The following SGK1 variants were observed in gnomAD, a reference collection of about 807,000 sequenced individuals.
SGK1 encodes the protein serum/glucocorticoid regulated kinase 1.
In SGK1, 26 loss-of-function variants were observed where a neutral mutation model predicts 64.2. The observed-to-expected ratio is 0.40, with a 90% CI of 0.30 to 0.56. The LOEUF is 0.56. Among genes scored for constraint, SGK1 ranks in the 20% least tolerant of loss-of-function variants. The pLI is 0.38. For missense variants in SGK1, 519 were observed against 645.6 expected, an observed-to-expected ratio of 0.80 and a Z score of 2.12; for synonymous variants, 265 against 239.7, an observed-to-expected ratio of 1.11 and a Z score of -0.98.
At chr6:134,294,620 C>T (rs754178238) in intron 1 of SGK1, among the ~76,000 whole-genome samples, 2 of 152,168 alleles carry the variant, frequency 1.3e-5, no homozygotes, top group South Asian at 2.1e-4. Context: ...CTGCAACCCT[C>T]GCCTCCAGGG....
In SGK1 at chr6:134,173,145, T is replaced by C. The variant is rs777584139; in HGVS notation, c.712A>G (p.Ile238Val). 1.2e-6 allele frequency: 2 copies of C among 1,612,754 alleles called. No homozygotes were observed. Among genetic ancestry groups the C allele is most frequent in the South Asian group, 1.1e-5 (1 of 91,014 alleles). The change falls in exon 8 of 14, where the codon ATT becomes GTT. Residue 238 changes from isoleucine to valine, a missense_variant. By Grantham distance (29) the Ile-to-Val change is conservative. Coordinates refer to ENST00000367858, the MANE Select transcript of SGK1 (RefSeq NM_001143676.3). ...AACAGAACATTCCGCTCCGACATAA[T>C]ATGCTTCTCCTAGGAAAATGACGAT... ...AILKKKEEKHIMSERNVLLKN... is the reference protein window; with the variant it reads ...AILKKKEEKHVMSERNVLLKN...
In SGK1 at chr6:134,318,033, G is replaced by A. The variant is rs1253559013; in HGVS notation, c.-573C>T. The A allele has an allele frequency of 6.5e-6, 1 of 153,434 alleles. No individual in the cohort carries two copies. The highest frequency in any genetic ancestry group is 6.5e-5 in the Admixed American group (1 of 15,334). 9.5% of individuals were successfully genotyped at this position (153,434 alleles called of 1,614,324 possible). A position where few individuals can be genotyped will look rare whatever the true frequency, so the allele number is the denominator to read the frequency against. ...CAGAGGGAGCGAGAAGGCGAGGCTG[G>A]AAGAAGCAACGGTTCATGAATATCT... is the stretch of plus-strand genomic sequence containing the variant. On this transcript the variant is annotated 5_prime_UTR_variant, in exon 1 of 14. Transcript: ENST00000367858.
intron 2 of SGK1, among the ~76,000 whole-genome samples, chr6:134,255,849 T>G: frequency 6.6e-6 from 1 of 152,068 alleles, no homozygotes. Context: ...CCTCCAAAAG[T>G]GCTGGGATTA....
chr6:134,300,537 C>CAA (rs112943044), intron 1 of SGK1, among the ~76,000 whole-genome samples: 2 of 86,288 alleles, frequency 2.3e-5, no homozygotes, highest in Admixed American at 1.2e-4. Context: ...GACTCTGTCT[C>CAA]AAAAAAAAAA....
At chr6:134,285,186 C>T (rs1777162219) in intron 1 of SGK1, among the ~76,000 whole-genome samples, 1 of 151,926 alleles carries the variant, frequency 6.6e-6, no homozygotes, top group African/African-American at 2.4e-5. Flanking sequence ...TGGCTGGGCT[C>T]GGTGGCTCAC....
intron 2 of SGK1, among the ~76,000 whole-genome samples, chr6:134,251,912 G>A (rs986665299): frequency 7.2e-5 from 11 of 152,162 alleles, no homozygotes; most frequent in Admixed American, 6.5e-4. Flanking sequence ...GTGCCATCAC[G>A]CCTGGCTAAT....
intron 1 of SGK1, among the ~76,000 whole-genome samples, chr6:134,303,318 G>A (rs35069518): frequency 0.19 from 28,998 of 151,880 alleles, 3,545 homozygotes; most frequent in East Asian, 0.54. Context: ...CGTGAACCTG[G>A]GAGGCGGAGC....
Position 134,172,187 on chromosome 6 carries a change from G to A in SGK1, c.1071+6C>T, listed in dbSNP as rs763607989. On this transcript the variant is annotated splice_donor_region_variant and intron_variant, in intron 10 of 13. Coordinates refer to ENST00000367858, the MANE Select transcript of SGK1 (RefSeq NM_001143676.3). ...AAACCAGGCACCAAACCAAGACAGC[G>A]CCTACCTCCGGCGTGCCACAGAAGG... 51 of 1,613,502 alleles carry A rather than the reference G, an allele frequency of 3.2e-5. No homozygotes were observed. The highest frequency in any genetic ancestry group is 3.7e-5 in the Non-Finnish European group (44 of 1,179,832).
chr6:134,177,738 T>C, intron 3 of SGK1: 4 of 1,614,024 alleles, frequency 2.5e-6, no homozygotes, highest in Non-Finnish European at 3.4e-6. Flanking sequence ...GGATTACTTC[T>C]GGAGGCTGGA....
At chr6:134,206,338 GATATATATATATATAT>G (rs71003676) in intron 3 of SGK1, among the ~76,000 whole-genome samples, 641 of 32,266 alleles carry the variant, frequency 0.02, 2 homozygotes, top group East Asian at 0.023. Flanking sequence ...TGTACCTGAT[GATATATATATATATAT>G]ATATATATAT....
chr6:134,185,440 C>G (rs1056984388), intron 3 of SGK1, among the ~76,000 whole-genome samples: 30 of 152,144 alleles, frequency 2.0e-4, no homozygotes, highest in African/African-American at 7.2e-4. Context: ...GTTTTAAAGC[C>G]ATAGCAGAAT....
At chr6:134,288,686 G>T (rs1361823629) in intron 1 of SGK1, among the ~76,000 whole-genome samples, 1 of 146,458 alleles carries the variant, frequency 6.8e-6, no homozygotes, top group African/African-American at 2.6e-5. Context: ...TAAAATTACA[G>T]AGGCGGTATT....
intron 2 of SGK1, among the ~76,000 whole-genome samples, chr6:134,212,943 CT>C (rs1775915690): frequency 6.6e-6 from 1 of 152,156 alleles, no homozygotes; most frequent in Non-Finnish European, 1.5e-5. Context: ...ATGATTATCA[CT>C]ATTTGTTCAA....
intron 3 of SGK1, chr6:134,177,950 A>C: frequency 1.1e-6 from 1 of 915,052 alleles, no homozygotes; most frequent in Non-Finnish European, 1.6e-6. Flanking sequence ...CCCCATTGCG[A>C]CATCACTCAG....
intron 1 of SGK1, among the ~76,000 whole-genome samples, chr6:134,299,081 G>T (rs1777406976): frequency 1.3e-5 from 2 of 151,858 alleles, no homozygotes; most frequent in Admixed American, 1.3e-4. Flanking sequence ...TTACAGGTGT[G>T]AGCCACAGCA....
At chr6:134,218,209 G>A (rs865973941) in intron 2 of SGK1, among the ~76,000 whole-genome samples, 1 of 152,094 alleles carries the variant, frequency 6.6e-6, no homozygotes, top group Middle Eastern at 3.2e-3. Flanking sequence ...ATTAAGGGCT[G>A]GAGTCCATGT....
intron 13 of SGK1, 59 bp downstream of exon 13, chr6:134,170,767 T>C: frequency 8.9e-7 from 1 of 1,121,854 alleles, no homozygotes; most frequent in South Asian, 1.4e-5. Context: ...CAGACAATTC[T>C]GAATTAAAAT....
intron 2 of SGK1, among the ~76,000 whole-genome samples, chr6:134,245,605 A>T (rs1008554258): frequency 2.0e-5 from 3 of 152,244 alleles, no homozygotes; most frequent in South Asian, 2.1e-4. Flanking sequence ...CTGTTATCCC[A>T]GTGCTTTGGG....
chr6:134,188,673 T>G (rs1402541125), intron 3 of SGK1, among the ~76,000 whole-genome samples: 2 of 152,040 alleles, frequency 1.3e-5, no homozygotes, highest in African/African-American at 4.8e-5. Context: ...GATTTTTATT[T>G]CCTGAGGATT....
Sources: gnomAD v4.1 joint callset for allele counts (sites outside exome capture counted in the v4.1 genomes callset) on GRCh38, gnomAD v4.1.1 for gene constraint, MANE v1.5 for transcripts, NCBI Gene and HGNC (gene_info 2026-07-23, HGNC 2026-07-21) for gene names.